The following PPP2R1B variants were observed in gnomAD, a reference collection of about 807,000 sequenced individuals.
PPP2R1B encodes the protein serine/threonine-protein phosphatase 2A 65 kDa regulatory subunit A beta isoform.
A neutral mutation model predicts 72.7 loss-of-function variants in PPP2R1B; 58 were observed. That is an observed-to-expected ratio of 0.80 (90% CI 0.65 to 0.99). The LOEUF (loss-of-function observed/expected upper bound fraction) is 0.99. Ranked by LOEUF, PPP2R1B falls within the 50% of genes least tolerant of loss-of-function variation. The probability of loss-of-function intolerance (pLI) is 0.00; values close to 1 mark genes in which losing one functional copy is unlikely to be tolerated. For synonymous variants in PPP2R1B, 256 were observed against 264.6 expected (o/e 0.97, Z 0.32); for missense variants, 695 against 733.6 (o/e 0.95, Z 0.61).
chr11:111,730,861 G>C (rs918592255), intron 15 of PPP2R1B: 1 of 152,168 alleles, frequency 6.6e-6, no homozygotes, highest in East Asian at 1.9e-4. Flanking sequence ...TAAGAGCCCG[G>C]GTGATGTGAA....
chr11:111,742,879 T>C (rs921606934), intron 12 of PPP2R1B, among the ~76,000 whole-genome samples: 1 of 151,512 alleles, frequency 6.6e-6, no homozygotes, highest in African/African-American at 2.4e-5. Flanking sequence ...GTAGTTTTGT[T>C]CTTTGTTTTT....
At chr11:111,733,583 G>T (rs1252298644), downstream of PPP2R1B, among the ~76,000 whole-genome samples, 4 of 152,270 alleles carry the variant, frequency 2.6e-5, no homozygotes, top group Admixed American at 1.3e-4. Flanking sequence ...AGACCCTGAG[G>T]AGACTGTTCA....
At chr11:111,713,105 C>CA in the PPP2R1B span, among the ~76,000 whole-genome samples, 1 of 152,158 alleles carries the variant, frequency 6.6e-6, no homozygotes, top group Non-Finnish European at 1.5e-5. Flanking sequence ...GCCGAGGTGG[C>CA]AGTGAGCCGA....
chr11:111,726,930 T>G (rs1357195329), exon 16 of PPP2R1B: 1 of 1,604,054 alleles, frequency 6.2e-7, no homozygotes, highest in Admixed American at 1.7e-5. Flanking sequence ...TGTGTGGTAC[T>G]TTATTTTTTA....
chr11:111,750,750 T>C (rs1051497054), intron 10 of PPP2R1B, among the ~76,000 whole-genome samples: 12 of 152,166 alleles, frequency 7.9e-5, no homozygotes, highest in Middle Eastern at 3.2e-3. Context: ...AGGGTAACAC[T>C]GATCACGAAA....
At chr11:111,760,383 A>G (rs1945280932) in intron 4 of PPP2R1B, among the ~76,000 whole-genome samples, 1 of 152,054 alleles carries the variant, frequency 6.6e-6, no homozygotes, top group African/African-American at 2.4e-5. Context: ...AGGTCTCACT[A>G]TGTTGCTCAA....
At chr11:111,734,493 C>A (rs186076260), downstream of PPP2R1B, among the ~76,000 whole-genome samples, 2 of 152,310 alleles carry the variant, frequency 1.3e-5, no homozygotes, top group East Asian at 3.9e-4. Flanking sequence ...TCTTTTTGTG[C>A]GGACAGCTCG....
chr11:111,723,562 G>A (rs1943867253), downstream of PPP2R1B: 5 of 1,614,176 alleles, frequency 3.1e-6, no homozygotes, highest in East Asian at 2.2e-5. Flanking sequence ...ATCAGATGCA[G>A]ATAGCAGAGA....
chr11:111,759,665 T>G, intron 5 of PPP2R1B, 139 bp downstream of exon 5: 1 of 891,212 alleles, frequency 1.1e-6, no homozygotes, highest in Non-Finnish European at 1.6e-6. Context: ...ATAAGCATGT[T>G]ACACTTTAAC....
At chr11:111,732,215 C>A (rs1410376730) in intron 15 of PPP2R1B, among the ~76,000 whole-genome samples, 1 of 152,232 alleles carries the variant, frequency 6.6e-6, no homozygotes, top group African/African-American at 2.4e-5. Context: ...CCCACTAGAT[C>A]TTAAATCGAG....
Position 111,742,315 on chromosome 11 carries a change from T to TACC in PPP2R1B, c.1698-172_1698-171insGGT. On this transcript the variant is annotated intron_variant, in intron 13 of 14. Transcript: ENST00000527614. ...TAAAGAAATTCTCAGCAAAATCAGC[T>TACC]TCAGACAAGGATCTACACATTTACA... is the stretch of plus-strand genomic sequence containing the variant. The TACC allele has an allele frequency of 9.8e-6, 6 of 610,296 alleles. No homozygotes were observed. The South Asian group carries it at 1.3e-4, about 14-fold the overall frequency. 37.8% of individuals were successfully genotyped at this position (610,296 alleles called of 1,614,324 possible).
At chr11:111,741,959 T>G (rs1944536850) in intron 14 of PPP2R1B, 94 bp downstream of exon 14, 2 of 1,092,440 alleles carry the variant, frequency 1.8e-6, no homozygotes, top group African/African-American at 1.5e-5. Context: ...CCCATAATAC[T>G]TATCATCCTA....
At chr11:111,721,747 C>A in the PPP2R1B span, 103 of 1,016,072 alleles carry the variant, frequency 1.0e-4, 2 homozygotes, top group South Asian at 8.6e-4. Context: ...TCCTATTGGA[C>A]ATTGCAAAGG....
Position 111,727,047 on chromosome 11 carries a change from T to TA in PPP2R1B, c.1921dup (p.Tyr641LeufsTer8). 6 of 1,614,024 alleles carry TA rather than the reference T, an allele frequency of 3.7e-6. No homozygotes were observed. Among genetic ancestry groups the TA allele is most frequent in the Non-Finnish European group, 5.1e-6 (6 of 1,179,952 alleles). ...GTCTCTAGTATCTCCACGCAACTGA[T>TA]ACACTGGTCCCTGTAAGGCAAACAG... is the stretch of plus-strand genomic sequence containing the variant. On this transcript the variant is annotated frameshift_variant, in exon 16 of 16. Coordinates refer to the PPP2R1B transcript ENST00000311129. LOFTEE classifies it high-confidence loss of function.
chr11:111,705,081 A>C, the PPP2R1B span: 3 of 1,607,384 alleles, frequency 1.9e-6, no homozygotes, highest in Non-Finnish European at 2.5e-6. This position sits in a 1 kb window ranked among gnomAD's most constrained non-coding sequence, Gnocchi z 4.3. Context: ...CCAGTGGAGC[A>C]GAGACTTGAT....
the PPP2R1B span, among the ~76,000 whole-genome samples, chr11:111,697,358 C>G: frequency 6.6e-6 from 1 of 152,190 alleles, no homozygotes. Context: ...AGATGATATG[C>G]TGAGAGCTGG....
the PPP2R1B span, among the ~76,000 whole-genome samples, chr11:111,718,214 T>C: frequency 1.3e-5 from 2 of 152,272 alleles, no homozygotes; most frequent in African/African-American, 4.8e-5. Context: ...CTTATTCATT[T>C]CTAAACCATT....
chr11:111,730,349 G>A (rs1225613021), intron 15 of PPP2R1B: 3 of 152,194 alleles, frequency 2.0e-5, no homozygotes, highest in Non-Finnish European at 4.4e-5. Flanking sequence ...TTTCCACCAT[G>A]GGTGGTAAGA....
the PPP2R1B span, among the ~76,000 whole-genome samples, chr11:111,718,020 G>A: frequency 6.6e-6 from 1 of 151,902 alleles, no homozygotes. Flanking sequence ...CATGACACAC[G>A]TTTACCTATG....
Sources: gnomAD v4.1 joint callset for allele counts (sites outside exome capture counted in the v4.1 genomes callset) on GRCh38, gnomAD v4.1.1 for gene constraint, Gnocchi (gnomAD v3.1) non-coding constraint, MANE v1.5 for transcripts, NCBI Gene and HGNC (gene_info 2026-07-23, HGNC 2026-07-21) for gene names.